The following ROBO3 variants were observed in gnomAD, a reference collection of about 807,000 sequenced individuals.
ROBO3 encodes the protein roundabout guidance receptor 3.
A neutral mutation model predicts 160.5 loss-of-function variants in ROBO3; 97 were observed. The ratio of observed to expected loss-of-function variants is 0.60; its 90% CI spans 0.51 to 0.72. The LOEUF (loss-of-function observed/expected upper bound fraction) is 0.72, where lower values mean the gene tolerates loss of function less well. ROBO3 is among the 30% of genes least tolerant of loss of function. ROBO3 has a pLI of 0.00. For missense variants in ROBO3, 1,858 were observed against 1,846.5 expected, an observed-to-expected ratio of 1.01 and a Z score of -0.11; for synonymous variants, 780 against 746.2, an observed-to-expected ratio of 1.05 and a Z score of -0.74.
rs2135335524 is a variant in ROBO3, at chr11:124,876,168, G to A, written c.2593+43G>A. On this transcript the variant is annotated intron_variant, in intron 16 of 27. Coordinates refer to ENST00000397801, the MANE Select transcript of ROBO3 (RefSeq NM_022370.4). This position sits in a 1 kb window ranked among gnomAD's most constrained non-coding sequence, Gnocchi z 5.3. Reference sequence around the variant, plus strand: ...CAGTGCTGAGGATCTTGACGGGGGCGGGGCAAGCCCCCCACTGGGGTAGCT... The same window carrying A: ...CAGTGCTGAGGATCTTGACGGGGGCAGGGCAAGCCCCCCACTGGGGTAGCT... 1 of 1,556,642 alleles carries A rather than the reference G, an allele frequency of 6.4e-7. No homozygotes were observed. Among genetic ancestry groups the A allele is most frequent in the Non-Finnish European group, 8.6e-7 (1 of 1,156,310 alleles).
chr11:124,879,403 C>T (rs1015028206), intron 24 of ROBO3, 62 bp downstream of exon 24: 113 of 1,608,064 alleles, frequency 7.0e-5, no homozygotes, highest in Non-Finnish European at 9.3e-5. Context: ...CCCCTTCACC[C>T]TTAGGCCTTT....
At chr11:124,875,761 G>A in intron 15 of ROBO3, 76 bp downstream of exon 15, 10 of 1,529,704 alleles carry the variant, frequency 6.5e-6, no homozygotes, top group Non-Finnish European at 8.9e-6. Context: ...CTAGAATTAG[G>A]GTGGAGGAAA....
Position 124,865,716 on chromosome 11 carries a change from C to G in ROBO3, c.139C>G (p.Pro47Ala). The G allele has an allele frequency of 6.2e-7, 1 of 1,609,680 alleles. No homozygotes were observed. Among genetic ancestry groups the G allele is most frequent in the Non-Finnish European group, 8.5e-7 (1 of 1,178,654 alleles). ...GGCGCTCAACCACACCCTGCTGCCT[C>G]CCGGCGATCCCTCTCTCAACGGTGA... is the stretch of plus-strand genomic sequence containing the variant. Reference protein sequence around the residue: ...LAALNHTLLPPGDPSLNGSRV... With the variant: ...LAALNHTLLPAGDPSLNGSRV... Residue 47 changes from proline (P) to alanine (A), a missense_variant, in exon 1 of 28, where the codon CCC (proline) becomes GCC (alanine). Pro to Ala is a conservative substitution (Grantham distance 27, BLOSUM62 -1). Coordinates refer to ENST00000397801, the MANE Select transcript of ROBO3 (RefSeq NM_022370.4). This position sits in a 1 kb window ranked among gnomAD's most constrained non-coding sequence, Gnocchi z 5.5.
In ROBO3 at chr11:124,874,191, G is replaced by A. The variant is rs372209516; in HGVS notation, c.1906G>A (p.Gly636Ser). Residue 636 changes from glycine (G) to serine (S), a missense_variant, in exon 12 of 28, where the codon GGC becomes AGC. By Grantham distance (56) the Gly-to-Ser change is moderately conservative (BLOSUM62 0). Transcript: ENST00000397801. ...TCTGGTTCGAGCAGTGGGAGCCTGG[G>A]GCCTCAGTGAGCCCAGCCCCGTCTC... ...LFLVRAVGAW[G>S]LSEPSPVSEP... The A allele has an allele frequency of 1.2e-6, 2 of 1,613,920 alleles. No individual in the cohort carries two copies. The highest frequency in any genetic ancestry group is 1.7e-6 in the Non-Finnish European group (2 of 1,179,880).
chr11:124,879,772 C>T lies in ROBO3; in HGVS notation c.3797-15C>T, dbSNP rs1378074328. On this transcript the variant is annotated splice_polypyrimidine_tract_variant and intron_variant, in intron 25 of 27. Transcript: ENST00000397801. Reference sequence around the variant, plus strand: ...GAGTGGCAGGAGGCTCCGCTGAAAACAGCTCCCTCCCCAGACTTGCCCCCA... The same window carrying T: ...GAGTGGCAGGAGGCTCCGCTGAAAATAGCTCCCTCCCCAGACTTGCCCCCA... The T allele has an allele frequency of 1.2e-6, 2 of 1,605,750 alleles. No individual in the cohort carries two copies. Among genetic ancestry groups the T allele is most frequent in the Non-Finnish European group, 1.7e-6 (2 of 1,176,750 alleles).
At chr11:124,870,443 C>A (rs1168375379) in intron 5 of ROBO3, 140 bp downstream of exon 5, 85 of 1,454,004 alleles carry the variant, frequency 5.8e-5, no homozygotes, top group Non-Finnish European at 7.9e-5. Context: ...CCAGTCCTAT[C>A]CAGTCCCCAC....
intron 17 of ROBO3, 89 bp from the exon 18 acceptor site, chr11:124,877,072 C>T (rs1381044029): frequency 7.0e-7 from 1 of 1,435,382 alleles, no homozygotes; most frequent in South Asian, 1.1e-5. Flanking sequence ...GAACTGGGAC[C>T]GGGGCCTAGG....
chr11:124,880,043 T>G, intron 26 of ROBO3, 95 bp downstream of exon 26: 1 of 1,228,256 alleles, frequency 8.1e-7, no homozygotes, highest in Non-Finnish European at 1.1e-6. Flanking sequence ...AGCCCTCCCT[T>G]TAGTTAGGTT....
At chr11:124,879,090 C>T (rs770471176) in intron 23 of ROBO3, 100 bp from the exon 24 acceptor site, 53 of 1,352,402 alleles carry the variant, frequency 3.9e-5, no homozygotes, top group Non-Finnish European at 4.6e-5. Context: ...GGTTGTGTCT[C>T]GTTTATCTGT....
intron 20 of ROBO3, 99 bp from the exon 21 acceptor site, chr11:124,877,838 G>A (rs1011348498): frequency 8.6e-7 from 1 of 1,167,954 alleles, no homozygotes. Flanking sequence ...GCTTGTGTGG[G>A]GGAAGAAGTT....
intron 13 of ROBO3, 88 bp from the exon 14 acceptor site, chr11:124,875,023 G>A (rs1946333511): frequency 4.0e-6 from 6 of 1,514,240 alleles, no homozygotes; most frequent in Admixed American, 2.0e-5. Flanking sequence ...GGCGGCATGA[G>A]TGGGAGGAGG....
At position 124,869,999 on chromosome 11, in the gene ROBO3, A is replaced by G. The variant is rs1192337332; in HGVS notation, c.697A>G (p.Met233Val). The change falls in exon 4 of 28, where the codon ATG (methionine) becomes GTG (valine). Residue 233 changes from methionine to valine, a missense_variant. By Grantham distance (21) the Met-to-Val change is conservative (BLOSUM62 1). Transcript: ENST00000397801. This position sits in a 1 kb window ranked among gnomAD's most constrained non-coding sequence, Gnocchi z 4.2. Reference protein sequence around the residue: ...MSHTLKSDAGMYVCVASNMAG... With the variant: ...MSHTLKSDAGVYVCVASNMAG... ...ACATACACTCAAGAGCGATGCAGGCATGTATGTGTGCGTAGCCTCCAACAT... is the reference window on the plus strand; with the variant it reads ...ACATACACTCAAGAGCGATGCAGGCGTGTATGTGTGCGTAGCCTCCAACAT... 5 of 1,613,942 alleles carry G rather than the reference A, an allele frequency of 3.1e-6. No individual in the cohort carries two copies. The highest frequency in any genetic ancestry group is 4.2e-6 in the Non-Finnish European group (5 of 1,179,822).
Position 124,880,498 on chromosome 11 carries a change from A to T in ROBO3, c.4039A>T (p.Asn1347Tyr), listed in dbSNP as rs1946550907. ...CAGCACATGTTCCACGGCCGGCAGC[A>T]ACTCTTCCAGGGGCTCCAGCAGCTC... ...GTSTCSTAGS[N>Y]SSRGSSSSRG... is the part of the protein sequence containing the mutation. Residue 1347 changes from asparagine (N) to tyrosine (Y), a missense_variant, in exon 27 of 28, where the codon AAC (asparagine) becomes TAC (tyrosine). Asn to Tyr is a moderately radical substitution (Grantham distance 143). Transcript: ENST00000397801. 6.2e-7 allele frequency: 1 copy of T among 1,600,338 alleles called. No homozygotes were observed. The highest frequency in any genetic ancestry group is 1.3e-5 in the African/African-American group (1 of 74,790).
At position 124,873,715 on chromosome 11, in the gene ROBO3, C is replaced by T. The variant is rs752155372; in HGVS notation, c.1637C>T (p.Pro546Leu). 6.2e-7 allele frequency: 1 copy of T among 1,612,716 alleles called. No homozygotes were observed. Among genetic ancestry groups the T allele is most frequent in the Non-Finnish European group, 8.5e-7 (1 of 1,179,240 alleles). The change falls in exon 11 of 28, where the codon CCA becomes CTA. Residue 546 changes from proline to leucine, a missense_variant. Pro to Leu is a moderately conservative substitution (Grantham distance 98, BLOSUM62 -3). Transcript: ENST00000397801. The surrounding 1 kb of genome is among the most constrained non-coding windows in gnomAD (Gnocchi z 4.5). Reference protein sequence around the residue: ...LKMREDWGVSPDPPTEPSSPP... With the variant: ...LKMREDWGVSLDPPTEPSSPP... The stretch of plus-strand genomic sequence containing the variant: ...ACTGCAGAAGACTGGGGAGTATCAC[C>T]AGACCCCCCTACAGAACCCAGTTCC...
At chr11:124,870,984 C>T (rs1946273656) in intron 6 of ROBO3, 30 bp from the exon 7 acceptor site, 2 of 1,596,956 alleles carry the variant, frequency 1.3e-6, no homozygotes, top group Non-Finnish European at 1.7e-6. Flanking sequence ...CTCTGACTAC[C>T]TGTTCCTTTT....
At position 124,874,593 on chromosome 11, in the gene ROBO3, G is replaced by T. The variant is rs1946324203; in HGVS notation, c.1952-195G>T. ...GAGATGAGGAACTGAGGCCTTTAAA[G>T]GATGCATGTGTAATTATGCTAGCTG... On this transcript the variant is annotated intron_variant, in intron 12 of 27. Transcript: ENST00000397801. 1.3e-5 allele frequency among the ~76,000 whole-genome samples: 2 copies of T among 152,210 alleles called. 1 individual carries two copies. Among genetic ancestry groups the T allele is most frequent in the South Asian group, 4.1e-4 (2 of 4,830 alleles).
Position 124,869,145 on chromosome 11 carries a change from C to G in ROBO3, c.487+17C>G. 1 of 1,525,138 alleles carries G rather than the reference C, an allele frequency of 6.6e-7. No individual in the cohort carries two copies. The highest frequency in any genetic ancestry group is 8.8e-7 in the Non-Finnish European group (1 of 1,135,140). The allele number at this position is 1,525,138 out of a possible 1,614,324, so 94.5% of individuals were successfully genotyped here. ...AAGTGGCAGGTGAGAGTCAGTTGAC[C>G]GTCAGCTGGTTGCTTCCAGAGCCTG... On this transcript the variant is annotated intron_variant, in intron 2 of 27. Coordinates refer to ENST00000397801, the MANE Select transcript of ROBO3 (RefSeq NM_022370.4). The surrounding 1 kb of genome is among the most constrained non-coding windows in gnomAD (Gnocchi z 4.2).
intron 1 of ROBO3, among the ~76,000 whole-genome samples, chr11:124,866,496 G>T (rs1008562864): frequency 6.6e-6 from 1 of 152,234 alleles, no homozygotes; most frequent in Non-Finnish European, 1.5e-5. Context: ...TTTACCGGGC[G>T]CTTTCGCGTG....
At position 124,876,955 on chromosome 11, in the gene ROBO3, T is replaced by G; in HGVS notation, c.2780-206T>G. ...GAGGTCAGTGGTTTTCAATCTTGGT[T>G]GGCTACACATAGGAATCACTTGAGG... On this transcript the variant is annotated intron_variant, in intron 17 of 27. Coordinates refer to ENST00000397801, the MANE Select transcript of ROBO3 (RefSeq NM_022370.4). The surrounding 1 kb of genome is among the most constrained non-coding windows in gnomAD (Gnocchi z 5.3). The G allele has an allele frequency of 1.5e-6, 1 of 653,458 alleles. No individual in the cohort carries two copies. Among genetic ancestry groups the G allele is most frequent in the Non-Finnish European group, 2.8e-6 (1 of 363,110 alleles). 40.5% of individuals were successfully genotyped at this position (653,458 alleles called of 1,614,324 possible). A position where few individuals can be genotyped will look rare whatever the true frequency, so the allele number is the denominator to read the frequency against.
Sources: allele counts gnomAD v4.1 joint callset (sites outside exome capture counted in the v4.1 genomes callset), GRCh38; gene constraint gnomAD v4.1.1; non-coding constraint Gnocchi (gnomAD v3.1); transcripts MANE v1.5; gene names NCBI Gene and HGNC (gene_info 2026-07-23, HGNC 2026-07-21).